HAS3: variants seen among roughly 807,000 people sequenced by gnomAD.
HAS3 encodes the protein HA synthase 3.
Under a neutral mutation model 50.3 loss-of-function variants are expected in HAS3, and 27 were observed. The observed-to-expected ratio is 0.54, with a 90% CI of 0.40 to 0.74. HAS3 has a LOEUF of 0.74. Among genes scored for constraint, HAS3 ranks in the 30% least tolerant of loss-of-function variants. The pLI is 0.00. For missense variants in HAS3, 517 were observed against 742.8 expected (o/e 0.70, Z 3.53); for synonymous variants, 339 against 310.9 (o/e 1.09, Z -0.95).
chr16:69,115,474 G>C lies in HAS3; in HGVS notation c.*208G>C. The C allele has an allele frequency of 2.4e-6, 3 of 1,275,338 alleles. No homozygotes were observed. The highest frequency in any genetic ancestry group is 3.0e-6 in the Non-Finnish European group (3 of 1,013,912). The allele number at this position is 1,275,338 out of a possible 1,614,324, so 79.0% of individuals were successfully genotyped here. On this transcript the variant is annotated 3_prime_UTR_variant, in exon 4 of 4. Coordinates refer to ENST00000569188, the MANE Select transcript of HAS3 (RefSeq NM_001199280.2). ...GCAACACTGATCCCCCAGATGCAGG[G>C]CTGCAGGGGATTCTGTGTTTTCAGA...
the HAS3 span, among the ~76,000 whole-genome samples, chr16:69,088,142 G>T: frequency 6.6e-6 from 1 of 152,186 alleles, no homozygotes; most frequent in African/African-American, 2.4e-5. Flanking sequence ...GATTTATCGA[G>T]CACCTATTAC....
At chr16:69,087,244 C>T in the HAS3 span, among the ~76,000 whole-genome samples, 1 of 152,232 alleles carries the variant, frequency 6.6e-6, no homozygotes. Flanking sequence ...CGCCATCCAC[C>T]ACCCCCTTGC....
chr16:69,092,602 A>G, the HAS3 span, among the ~76,000 whole-genome samples: 1 of 22,626 alleles, frequency 4.4e-5, no homozygotes, highest in African/African-American at 3.7e-4. Flanking sequence ...CTCCGTCTCA[A>G]AAAAAAAAAA....
In HAS3 at chr16:69,115,001, G is replaced by C; in HGVS notation, c.1397G>C (p.Trp466Ser). 6.2e-7 allele frequency: 1 copy of C among 1,614,124 alleles called. No individual in the cohort carries two copies. Among genetic ancestry groups the C allele is most frequent in the Non-Finnish European group, 8.5e-7 (1 of 1,180,034 alleles). ...FAIATINKSG[W>S]GTSGRKTIVV... is the part of the protein sequence containing the mutation. ...ATTGCTACCATCAACAAATCTGGCTGGGGCACCTCTGGCCGAAAAACCATT... is the reference window on the plus strand; with the variant it reads ...ATTGCTACCATCAACAAATCTGGCTCGGGCACCTCTGGCCGAAAAACCATT... The change falls in exon 4 of 4, where the codon TGG becomes TCG. Residue 466 changes from tryptophan to serine, a missense_variant. Transcript: ENST00000569188.
chr16:69,112,925 A>C (rs1287572526), intron 2 of HAS3, among the ~76,000 whole-genome samples: 1 of 152,200 alleles, frequency 6.6e-6, no homozygotes, highest in Non-Finnish European at 1.5e-5. Flanking sequence ...CGCAGAGGCC[A>C]GCAGCCTTAT....
rs1030397146 is a variant in HAS3 at position 69,107,552 on chromosome 16, G to A, written c.-1+1765G>A. On this transcript the variant is annotated intron_variant, in intron 1 of 3. Coordinates refer to ENST00000569188, the MANE Select transcript of HAS3 (RefSeq NM_001199280.2). The surrounding 1 kb of genome is among the most constrained non-coding windows in gnomAD (Gnocchi z 5.5). ...TGAGAAGCGTGGCGAGTGCGTTCGC[G>A]GCTGCTTTGACCTGGTGGGCGCCGC... 1.0e-6 allele frequency: 1 copy of A among 984,170 alleles called. No homozygotes were observed. Among genetic ancestry groups the A allele is most frequent in the African/African-American group, 1.7e-5 (1 of 57,368 alleles). The allele number at this position is 984,170 out of a possible 1,614,324, so 61.0% of individuals were successfully genotyped here. A position where few individuals can be genotyped will look rare whatever the true frequency, so the allele number is the denominator to read the frequency against.
the HAS3 span, among the ~76,000 whole-genome samples, chr16:69,095,636 C>T: frequency 6.6e-6 from 1 of 151,574 alleles, no homozygotes; most frequent in African/African-American, 2.4e-5. Flanking sequence ...GTCTACTGTG[C>T]AACACCCTGC....
rs1438137937 is a variant in HAS3 at position 69,109,092 on chromosome 16, G to C, written c.1-304G>C. 6.6e-6 allele frequency among the ~76,000 whole-genome samples: 1 copy of C among 152,166 alleles called. No individual in the cohort carries two copies. Among genetic ancestry groups the C allele is most frequent in the Non-Finnish European group, 1.5e-5 (1 of 68,022 alleles). Reference sequence around the variant, plus strand: ...CACGTGACCCTCTGGGCCTTGGCTTGTCTACCCCAGTGCTACACTAAGGGC... The same window carrying C: ...CACGTGACCCTCTGGGCCTTGGCTTCTCTACCCCAGTGCTACACTAAGGGC... On this transcript the variant is annotated intron_variant, in intron 1 of 3. Coordinates refer to ENST00000569188, the MANE Select transcript of HAS3 (RefSeq NM_001199280.2). The surrounding 1 kb of genome is among the most constrained non-coding windows in gnomAD (Gnocchi z 5.3).
At chr16:69,118,227 G>A (rs1308374490), downstream of HAS3, 4 of 621,480 alleles carry the variant, frequency 6.4e-6, no homozygotes, top group Non-Finnish European at 9.0e-6. Flanking sequence ...GATGAGTAGA[G>A]GGGCCTTAAA....
chr16:69,115,185 C>T lies in HAS3; in HGVS notation c.1581C>T (p.Leu527=), dbSNP rs746803121. 1 of 1,585,040 alleles carries T rather than the reference C, an allele frequency of 6.3e-7. No homozygotes were observed. The highest frequency in any genetic ancestry group is 1.8e-5 in the Admixed American group (1 of 56,852). Residue 527 remains leucine (L), a synonymous_variant, in exon 4 of 4, where the codon CTC becomes CTT. Transcript: ENST00000569188. The part of the protein sequence containing the change: ...AILYGCYWVA[L]LMLYLAIIAR... Reference sequence around the variant, plus strand: ...TGTATGGCTGCTACTGGGTGGCCCTCCTCATGCTATATCTGGCCATCATCG... The same window carrying T: ...TGTATGGCTGCTACTGGGTGGCCCTTCTCATGCTATATCTGGCCATCATCG...
upstream of HAS3, among the ~76,000 whole-genome samples, chr16:69,101,489 C>T (rs1270437835): frequency 1.3e-5 from 2 of 151,990 alleles, no homozygotes; most frequent in African/African-American, 2.4e-5. Context: ...CTAGTAGAGA[C>T]GGGTTTCACC....
upstream of HAS3, among the ~76,000 whole-genome samples, chr16:69,104,992 GTTTTTTTTTTT>G (rs565397720): frequency 3.5e-3 from 283 of 81,988 alleles, no homozygotes; most frequent in Admixed American, 6.1e-3. Flanking sequence ...CTGTTTTTTG[GTTTTTTTTTTT>G]TTTTTTTTTT....
At chr16:69,092,453 A>T in the HAS3 span, among the ~76,000 whole-genome samples, 1 of 152,170 alleles carries the variant, frequency 6.6e-6, no homozygotes, top group South Asian at 2.1e-4. Context: ...AAATGTAAAA[A>T]TTAGCGAGGT....
chr16:69,103,579 T>C (rs1960717952), upstream of HAS3, among the ~76,000 whole-genome samples: 1 of 152,076 alleles, frequency 6.6e-6, no homozygotes, highest in African/African-American at 2.4e-5. Flanking sequence ...GTATTTTTAG[T>C]AGAGACAGGG....
downstream of HAS3, chr16:69,117,987 A>C: frequency 7.7e-6 from 2 of 260,170 alleles, no homozygotes; most frequent in Non-Finnish European, 7.5e-6. Flanking sequence ...TGAAACAGGT[A>C]ACAAAACACA....
chr16:69,117,372 A>T lies in HAS3; in HGVS notation c.*2106A>T. ...GGCAGGTACAGGTAGTGGGCTCACA[A>T]CGTTTGACCTCGACTGGTTTTTCTA... is the stretch of plus-strand genomic sequence containing the variant. On this transcript the variant is annotated 3_prime_UTR_variant, in exon 4 of 4. Transcript: ENST00000569188. 1.0e-6 allele frequency: 1 copy of T among 985,812 alleles called. No homozygotes were observed. Among genetic ancestry groups the T allele is most frequent in the Non-Finnish European group, 1.2e-6 (1 of 829,892 alleles). The allele number at this position is 985,812 out of a possible 1,614,324, so 61.1% of individuals were successfully genotyped here. A position where few individuals can be genotyped will look rare whatever the true frequency, so the allele number is the denominator to read the frequency against.
At chr16:69,117,800 GC>G (rs1259089045), downstream of HAS3, 1 of 206,638 alleles carries the variant, frequency 4.8e-6, no homozygotes, top group Non-Finnish European at 8.6e-6. Flanking sequence ...ACCCATGGGG[GC>G]TTAACTTTTA....
chr16:69,117,707 C>T (rs1961255900), downstream of HAS3: 1 of 933,808 alleles, frequency 1.1e-6, no homozygotes, highest in African/African-American at 1.8e-5. Context: ...CTCTTTATTC[C>T]AGTTTCCAAA....
the HAS3 span, among the ~76,000 whole-genome samples, chr16:69,092,659 C>A: frequency 6.7e-6 from 1 of 149,860 alleles, no homozygotes; most frequent in African/African-American, 2.5e-5. Context: ...CCTATGTCAA[C>A]TTAAGCTTTA....
Sources: gnomAD v4.1 joint callset for allele counts (sites outside exome capture counted in the v4.1 genomes callset) on GRCh38, gnomAD v4.1.1 for gene constraint, Gnocchi (gnomAD v3.1) non-coding constraint, MANE v1.5 for transcripts, NCBI Gene and HGNC (gene_info 2026-07-23, HGNC 2026-07-21) for gene names.